The following CMIP variants were observed in gnomAD, a reference collection of about 807,000 sequenced individuals.
The protein encoded by CMIP is C-Maf-inducing protein.
Under a neutral mutation model 97.3 loss-of-function variants are expected in CMIP, and 13 were observed. That is an observed-to-expected ratio of 0.13 (90% CI 0.09 to 0.21). CMIP has a LOEUF of 0.21. Among genes scored for constraint, CMIP ranks in the 10% least tolerant of loss-of-function variants. CMIP has a pLI of 1.00. For missense variants in CMIP, 847 were observed against 1,024.9 expected (o/e 0.83, Z 2.37); for synonymous variants, 538 against 436.3 (o/e 1.23, Z -2.91).
rs372958703 is a variant in CMIP, at chr16:81,565,314, C to A, written c.301-42253C>A. 3.3e-5 allele frequency among the ~76,000 whole-genome samples: 5 copies of A among 152,316 alleles called. No homozygotes were observed. The East Asian group carries it at 9.7e-4, about 29-fold the overall frequency. Reference sequence around the variant, plus strand: ...GTGGGCTTTCTCCAAGAAGAGGAGCCTCTCTCCCTGTTCCAGATGCAGATC... The same window carrying A: ...GTGGGCTTTCTCCAAGAAGAGGAGCATCTCTCCCTGTTCCAGATGCAGATC... On this transcript the variant is annotated intron_variant, in intron 1 of 20. Coordinates refer to ENST00000537098, the MANE Select transcript of CMIP (RefSeq NM_198390.3).
intron 1 of CMIP, among the ~76,000 whole-genome samples, chr16:81,469,615 G>A (rs1567531208): frequency 6.6e-6 from 1 of 152,210 alleles, no homozygotes; most frequent in Admixed American, 6.5e-5. Context: ...GGCAGGTGAC[G>A]TCAGGCTTTG....
At position 81,704,916 on chromosome 16, in the gene CMIP, G is replaced by C. The variant is rs75835697; in HGVS notation, c.2092-583G>C. On this transcript the variant is annotated intron_variant, in intron 18 of 20. Coordinates refer to ENST00000537098, the MANE Select transcript of CMIP (RefSeq NM_198390.3). Reference sequence around the variant, plus strand: ...TCCTGAGGTTCTGAGAGGTAGAGCTGAGACGTGAGCCAGGCTTCGCTGGCC... The same window carrying C: ...TCCTGAGGTTCTGAGAGGTAGAGCTCAGACGTGAGCCAGGCTTCGCTGGCC... Among the ~76,000 whole-genome samples, 5 of 151,986 alleles carry C rather than the reference G, an allele frequency of 3.3e-5. No homozygotes were observed. In the East Asian group the frequency reaches 9.8e-4, roughly 30 times the overall value.
chr16:81,516,455 C>G (rs1005411265), intron 1 of CMIP, among the ~76,000 whole-genome samples: 1 of 152,208 alleles, frequency 6.6e-6, no homozygotes, highest in East Asian at 1.9e-4. Context: ...AGATACGTGC[C>G]GTGTTCCAGG....
At chr16:81,591,219 C>G (rs2091461997) in intron 1 of CMIP, among the ~76,000 whole-genome samples, 1 of 148,606 alleles carries the variant, frequency 6.7e-6, no homozygotes, top group African/African-American at 2.4e-5. Context: ...AATGGTACCC[C>G]TGGCATGGGT....
At chr16:81,579,874 T>C (rs1350230647) in intron 1 of CMIP, among the ~76,000 whole-genome samples, 1 of 152,126 alleles carries the variant, frequency 6.6e-6, no homozygotes, top group African/African-American at 2.4e-5. Context: ...GAGAATGGCG[T>C]GAACCCGGGA....
intron 1 of CMIP, among the ~76,000 whole-genome samples, chr16:81,523,729 A>G (rs1489606963): frequency 6.6e-6 from 1 of 152,204 alleles, no homozygotes; most frequent in Non-Finnish European, 1.5e-5. Context: ...CTGTTCTCCA[A>G]CCACCTCGTA....
At chr16:81,464,983 T>C (rs1907115504) in intron 1 of CMIP, 1 of 152,264 alleles carries the variant, frequency 6.6e-6, no homozygotes, top group South Asian at 2.1e-4. Context: ...AGTTGTTCCC[T>C]TGTTGGCTGT....
intron 1 of CMIP, among the ~76,000 whole-genome samples, chr16:81,489,258 T>C (rs1276436357): frequency 6.6e-6 from 1 of 152,064 alleles, no homozygotes; most frequent in Non-Finnish European, 1.5e-5. Context: ...AGGGAGGGCT[T>C]TCTGGAGGAG....
intron 10 of CMIP, among the ~76,000 whole-genome samples, chr16:81,680,562 C>T (rs528484094): frequency 1.3e-5 from 2 of 152,346 alleles, no homozygotes; most frequent in East Asian, 3.9e-4. Context: ...AGCCCCGCCT[C>T]GTGGTCCCAG....
intron 13 of CMIP, 115 bp from the exon 14 acceptor site, chr16:81,696,445 G>C: frequency 9.9e-7 from 1 of 1,010,960 alleles, no homozygotes; most frequent in Non-Finnish European, 1.5e-6. Context: ...AAGTTAAGCG[G>C]GTTTCTTGAC....
chr16:81,555,298 G>A (rs186403290), intron 1 of CMIP, among the ~76,000 whole-genome samples: 184 of 152,282 alleles, frequency 1.2e-3, no homozygotes, highest in Non-Finnish European at 1.9e-3. Context: ...CCCTGAGTGG[G>A]TCACCATAGC....
At chr16:81,668,677 G>A (rs564782234) in intron 7 of CMIP, among the ~76,000 whole-genome samples, 34 of 152,186 alleles carry the variant, frequency 2.2e-4, no homozygotes, top group African/African-American at 8.0e-4. Context: ...TCCAACCAGG[G>A]TGGTGTCCCT....
intron 1 of CMIP, among the ~76,000 whole-genome samples, chr16:81,579,954 C>T (rs967326247): frequency 2.0e-5 from 3 of 151,892 alleles, no homozygotes; most frequent in East Asian, 1.9e-4. Context: ...TGCGAGACTC[C>T]GTCTCAAAAA....
At chr16:81,554,111 A>G (rs999589016) in intron 1 of CMIP, among the ~76,000 whole-genome samples, 13 of 152,262 alleles carry the variant, frequency 8.5e-5, no homozygotes, top group African/African-American at 3.1e-4. Context: ...ATAATCATTA[A>G]GTTAATTGTC....
At chr16:81,550,722 C>T (rs898077740) in intron 1 of CMIP, among the ~76,000 whole-genome samples, 2 of 152,084 alleles carry the variant, frequency 1.3e-5, no homozygotes, top group African/African-American at 4.8e-5. Context: ...TTGGCTTTTG[C>T]CCACTGGTGA....
chr16:81,519,835 C>G (rs1022593040), intron 1 of CMIP: 1 of 152,248 alleles, frequency 6.6e-6, no homozygotes, highest in Non-Finnish European at 1.5e-5. Context: ...TTCCCTTCCT[C>G]TCCTCCAGCC....
At chr16:81,489,754 G>A (rs1335378172) in intron 1 of CMIP, among the ~76,000 whole-genome samples, 2 of 152,210 alleles carry the variant, frequency 1.3e-5, no homozygotes, top group Non-Finnish European at 1.5e-5. Flanking sequence ...CGATGTGTGC[G>A]TAGTGCCCAG....
chr16:81,708,516 T>C (rs868831595), intron 20 of CMIP, among the ~76,000 whole-genome samples: 1 of 152,242 alleles, frequency 6.6e-6, no homozygotes, highest in Non-Finnish European at 1.5e-5. Flanking sequence ...TTTCAGTCGA[T>C]TTTTTTATTT....
At chr16:81,572,576 C>G (rs1437641329) in intron 1 of CMIP, among the ~76,000 whole-genome samples, 4 of 152,186 alleles carry the variant, frequency 2.6e-5, no homozygotes, top group African/African-American at 9.7e-5. Flanking sequence ...GCCTTGCCAC[C>G]CTTATGTTAC....
Sources: gnomAD v4.1 joint callset for allele counts (sites outside exome capture counted in the v4.1 genomes callset) on GRCh38, gnomAD v4.1.1 for gene constraint, MANE v1.5 for transcripts, NCBI Gene and HGNC (gene_info 2026-07-23, HGNC 2026-07-21) for gene names.